LIMCH1: variants seen among roughly 807,000 people sequenced by gnomAD.
The protein encoded by LIMCH1 is LIM and calponin homology domains-containing protein 1.
Under a neutral mutation model 176.5 loss-of-function variants are expected in LIMCH1, and 113 were observed. The ratio of observed to expected loss-of-function variants is 0.64; its 90% CI spans 0.55 to 0.75. The LOEUF (loss-of-function observed/expected upper bound fraction) is 0.75. LIMCH1 is among the 30% of genes least tolerant of loss of function. LIMCH1 has a pLI of 0.00. For missense variants in LIMCH1, 1,674 were observed against 1,814.9 expected, an observed-to-expected ratio of 0.92 and a Z score of 1.41; for synonymous variants, 619 against 645.9, an observed-to-expected ratio of 0.96 and a Z score of 0.63.
intron 1 of LIMCH1, among the ~76,000 whole-genome samples, chr4:41,571,143 A>G (rs1184298921): frequency 6.6e-6 from 1 of 152,048 alleles, no homozygotes; most frequent in African/African-American, 2.4e-5. Flanking sequence ...AAAGAAGAGG[A>G]GAGAATGTGT....
chr4:41,540,765 G>A (rs71608080), intron 1 of LIMCH1, among the ~76,000 whole-genome samples: 4,901 of 152,196 alleles, frequency 0.032, 119 homozygotes, highest in Admixed American at 0.071. Context: ...AAATGATGAC[G>A]AATTATTGCC....
Position 41,687,878 on chromosome 4 carries a change from C to T in LIMCH1, c.4127C>T (p.Ser1376Phe), listed in dbSNP as rs1371398843. 1 of 1,613,584 alleles carries T rather than the reference C, an allele frequency of 6.2e-7. No homozygotes were observed. Among genetic ancestry groups the T allele is most frequent in the South Asian group, 1.1e-5 (1 of 91,034 alleles). The change falls in exon 29 of 32, where the codon TCT becomes TTT. Residue 1376 changes from serine (S) to phenylalanine (F), a missense_variant. Ser to Phe is a radical substitution (Grantham distance 155). This residue lies in a region of LIMCH1 where 1,015 missense variants were observed against 1,102.5 expected (regional missense o/e 0.92). Coordinates refer to ENST00000503057, the MANE Select transcript of LIMCH1 (RefSeq NM_001330672.2). Reference sequence around the variant, plus strand: ...GAGCACTTCCAGGCTGGGCCTTTCTCTCCCTGTTCTCCCACCCCTCCCGGT... The same window carrying T: ...GAGCACTTCCAGGCTGGGCCTTTCTTTCCCTGTTCTCCCACCCCTCCCGGT... ...PREHFQAGPFSPCSPTPPGQS... is the reference protein window; with the variant it reads ...PREHFQAGPFFPCSPTPPGQS...
At chr4:41,623,557 A>G (rs2092733664) in intron 7 of LIMCH1, among the ~76,000 whole-genome samples, 1 of 152,118 alleles carries the variant, frequency 6.6e-6, no homozygotes, top group African/African-American at 2.4e-5. Context: ...CAGGAGTTCA[A>G]GACCAGCCTG....
intron 4 of LIMCH1, among the ~76,000 whole-genome samples, chr4:41,609,077 A>C (rs2091102238): frequency 6.6e-6 from 1 of 152,090 alleles, no homozygotes; most frequent in South Asian, 2.1e-4. Context: ...CACTGTGATC[A>C]GGGGCAAGTG....
chr4:41,506,929 C>A (rs1034916086), intron 2 of LIMCH1, among the ~76,000 whole-genome samples: 1 of 152,152 alleles, frequency 6.6e-6, no homozygotes, highest in African/African-American at 2.4e-5. Flanking sequence ...CTGCCCCCAC[C>A]CCTCATTTAG....
chr4:41,371,151 A>G lies in LIMCH1; in HGVS notation c.96+10215A>G, dbSNP rs574415385. On this transcript the variant is annotated intron_variant, in intron 1 of 26. Coordinates refer to the LIMCH1 transcript ENST00000313860. ...TCTAAAAAGATCATGGTCCCAAGTA[A>G]CTACCTAACCAAGCAGGTGACCTGC... Among the ~76,000 whole-genome samples, 5 of 152,318 alleles carry G rather than the reference A, an allele frequency of 3.3e-5. No individual in the cohort carries two copies. In the South Asian group the frequency reaches 1.0e-3, roughly 32 times the overall value.
chr4:41,614,061 C>A (rs1302809770), intron 5 of LIMCH1, among the ~76,000 whole-genome samples: 2 of 152,240 alleles, frequency 1.3e-5, no homozygotes, highest in East Asian at 3.8e-4. Context: ...AATGGATCAA[C>A]TTCCAGTAAA....
At chr4:41,639,843 G>T (rs539382725) in intron 14 of LIMCH1, among the ~76,000 whole-genome samples, 1 of 152,124 alleles carries the variant, frequency 6.6e-6, no homozygotes, top group Non-Finnish European at 1.5e-5. Context: ...TTGTGGCCTC[G>T]TGGGAGCCTG....
chr4:41,573,087 G>A (rs752582214), intron 1 of LIMCH1, among the ~76,000 whole-genome samples: 7 of 152,248 alleles, frequency 4.6e-5, no homozygotes, highest in East Asian at 1.9e-4. Flanking sequence ...CTACCAAAAC[G>A]ATGGCTTTGA....
In LIMCH1 at chr4:41,689,543, A is replaced by G. The variant is rs1164639024; in HGVS notation, c.4183A>G (p.Lys1395Glu). 6.2e-7 allele frequency: 1 copy of G among 1,605,842 alleles called. No individual in the cohort carries two copies. Residue 1395 changes from lysine (K) to glutamate (E), a missense_variant, in exon 30 of 32, where the codon AAG (lysine) becomes GAG (glutamate). By Grantham distance (56) the Lys-to-Glu change is moderately conservative. Coordinates refer to ENST00000503057, the MANE Select transcript of LIMCH1 (RefSeq NM_001330672.2). ...QSPNRSISGK[K>E]LCSSCGLPLG... ...TAAACCTAGGTCTATAAGTGGAAAG[A>G]AGCTGTGCTCTTCCTGTGGGCTTCC...
intron 3 of LIMCH1, among the ~76,000 whole-genome samples, chr4:41,526,680 A>G (rs187907070): frequency 9.5e-4 from 145 of 152,304 alleles, no homozygotes; most frequent in African/African-American, 3.4e-3. Context: ...CCTGAACTCC[A>G]GACCTCGTGT....
intron 1 of LIMCH1, among the ~76,000 whole-genome samples, chr4:41,488,824 G>T (rs942317933): frequency 1.1e-4 from 16 of 152,114 alleles, no homozygotes; most frequent in African/African-American, 3.6e-4. Context: ...CGATATCAGG[G>T]TAATACTAAC....
chr4:41,551,378 C>T (rs1195091621), intron 1 of LIMCH1: 2 of 152,164 alleles, frequency 1.3e-5, no homozygotes, highest in African/African-American at 4.8e-5. Flanking sequence ...AGGAGTTGCT[C>T]AGGACAAAAT....
intron 1 of LIMCH1, among the ~76,000 whole-genome samples, chr4:41,454,450 GGAGAGAGA>G (rs58614605): frequency 6.7e-6 from 1 of 148,440 alleles, no homozygotes; most frequent in Non-Finnish European, 1.5e-5. Flanking sequence ...ATGATGAGGG[GGAGAGAGA>G]GAGAGAGAGA....
At chr4:41,426,017 C>CTTTTTTTTT (rs913325890) in intron 1 of LIMCH1, among the ~76,000 whole-genome samples, 1 of 102,884 alleles carries the variant, frequency 9.7e-6, no homozygotes, top group African/African-American at 3.8e-5. Context: ...TGAAAAGATT[C>CTTTTTTTTT]TTTTTTTTTT....
intron 1 of LIMCH1, among the ~76,000 whole-genome samples, chr4:41,433,203 C>G (rs1207727526): frequency 1.3e-5 from 2 of 152,210 alleles, no homozygotes; most frequent in Non-Finnish European, 2.9e-5. Flanking sequence ...CAACAAAACC[C>G]TTGCAAATGA....
chr4:41,671,663 T>A, intron 22 of LIMCH1, 69 bp downstream of exon 22: 1 of 1,232,918 alleles, frequency 8.1e-7, no homozygotes, highest in Non-Finnish European at 1.2e-6. Context: ...TTTGATTGGC[T>A]CAAAGAGTAT....
chr4:41,675,963 G>C (rs980578065), intron 22 of LIMCH1, among the ~76,000 whole-genome samples: 6 of 152,138 alleles, frequency 3.9e-5, no homozygotes, highest in African/African-American at 7.2e-5. Flanking sequence ...TTTTTATAGC[G>C]TGGCAAACAA....
In LIMCH1 at chr4:41,644,509, C is replaced by A. The variant is rs1166670123; in HGVS notation, c.2136C>A (p.Ser712Arg). 6.4e-7 allele frequency: 1 copy of A among 1,570,396 alleles called. No homozygotes were observed. The highest frequency in any genetic ancestry group is 8.6e-7 in the Non-Finnish European group (1 of 1,158,634). The change falls in exon 15 of 32, where the codon AGC (serine) becomes AGA (arginine). Residue 712 changes from serine to arginine, a missense_variant. Around this residue, in one of 3 missense-constraint regions of LIMCH1, gnomAD observed 1,015 missense variants for 1,102.5 expected, o/e 0.92. Coordinates refer to ENST00000503057, the MANE Select transcript of LIMCH1 (RefSeq NM_001330672.2). ...CTCTCTCCACACTCAGGAGCACCAG[C>A]ATGTTTGACATGCGGTGTGAGGAGG... ...TPVSDDAEST[S>R]MFDMRCEEEA...
Sources: gnomAD v4.1 joint callset for allele counts (sites outside exome capture counted in the v4.1 genomes callset) on GRCh38, gnomAD v4.1.1 for gene constraint, gnomAD v4.1.1 regional missense constraint, MANE v1.5 for transcripts, NCBI Gene and HGNC (gene_info 2026-07-23, HGNC 2026-07-21) for gene names.